GAK: variants seen among roughly 807,000 people sequenced by gnomAD.
GAK encodes the protein cyclin-G-associated kinase.
Under a neutral mutation model 143.9 loss-of-function variants are expected in GAK, and 79 were observed. The observed-to-expected ratio is 0.55, with a 90% CI of 0.46 to 0.66. GAK has a LOEUF of 0.66. GAK is among the 30% of genes least tolerant of loss of function. GAK has a pLI of 0.00. For missense variants in GAK, 1,693 were observed against 1,779.7 expected (o/e 0.95, Z 0.88); for synonymous variants, 881 against 765.5 (o/e 1.15, Z -2.49).
intron 1 of GAK, among the ~76,000 whole-genome samples, chr4:925,961 G>A (rs1422246092): frequency 1.3e-5 from 2 of 152,306 alleles, no homozygotes; most frequent in Non-Finnish European, 2.9e-5. Context: ...AGGAGGAAAG[G>A]GGAGTGGCCC....
At chr4:868,284 T>A (rs1198088639) in intron 20 of GAK, among the ~76,000 whole-genome samples, 1 of 152,042 alleles carries the variant, frequency 6.6e-6, no homozygotes, top group Non-Finnish European at 1.5e-5. Flanking sequence ...GCCCACAGAC[T>A]GGGATGAAGA....
At chr4:876,925 G>A (rs979007926) in intron 17 of GAK, among the ~76,000 whole-genome samples, 165 bp downstream of exon 17, 1 of 152,250 alleles carries the variant, frequency 6.6e-6, no homozygotes, top group Non-Finnish European at 1.5e-5. Flanking sequence ...AGTGCACGGG[G>A]CAAGCAGGGG....
chr4:884,128 C>T (rs768213861), intron 11 of GAK, 42 bp from the exon 12 acceptor site: 30 of 1,574,558 alleles, frequency 1.9e-5, no homozygotes, highest in Non-Finnish European at 2.6e-5. Flanking sequence ...ACAAGAAACA[C>T]TCCGCAGTTA....
rs1275875043 is a variant in GAK, at chr4:849,794, T to C, written c.3835-20A>G. The C allele has an allele frequency of 6.3e-7, 1 of 1,598,684 alleles. No individual in the cohort carries two copies. On this transcript the variant is annotated intron_variant, in intron 27 of 27. Coordinates refer to ENST00000314167, the MANE Select transcript of GAK (RefSeq NM_005255.4). ...CGCAGCCTATGGGTGACAGGCGGTG[T>C]AAGCGCCTCTTATAAGCATGCGGGG... is the stretch of plus-strand genomic sequence containing the variant.
At chr4:865,280 T>C in intron 22 of GAK, 36 bp from the exon 23 acceptor site, 3 of 1,611,804 alleles carry the variant, frequency 1.9e-6, no homozygotes, top group Non-Finnish European at 2.5e-6. Context: ...CACAGTTTGG[T>C]GTCTCAGCAG....
chr4:896,353 T>C (rs1577215027), intron 7 of GAK, 107 bp downstream of exon 7: 1 of 779,154 alleles, frequency 1.3e-6, no homozygotes, highest in Admixed American at 2.0e-5. Flanking sequence ...GAAGAGGGGG[T>C]GGAGGAGGCA....
chr4:851,158 C>A, intron 25 of GAK, 74 bp from the exon 26 acceptor site: 4 of 1,338,956 alleles, frequency 3.0e-6, no homozygotes, highest in South Asian at 2.5e-5. Flanking sequence ...AGTGCAATGG[C>A]GTGATCTCAG....
At chr4:903,618 C>G (rs1318480255) in intron 5 of GAK, among the ~76,000 whole-genome samples, 2 of 146,184 alleles carry the variant, frequency 1.4e-5, no homozygotes, top group African/African-American at 2.6e-5. Context: ...AGCAGGAATG[C>G]GGGGCCTGAA....
At position 911,801 on chromosome 4, in the gene GAK, G is replaced by A. The variant is rs1388878803; in HGVS notation, c.268-14C>T. On this transcript the variant is annotated splice_polypyrimidine_tract_variant and intron_variant, in intron 3 of 27. Coordinates refer to ENST00000314167, the MANE Select transcript of GAK (RefSeq NM_005255.4). ...GGAAAGCTTTTTCTGCAGTTGTCTT[G>A]TTAAAGGAGAACGTACATAACCATG... 6.3e-7 allele frequency: 1 copy of A among 1,595,114 alleles called. No individual in the cohort carries two copies. The highest frequency in any genetic ancestry group is 8.6e-7 in the Non-Finnish European group (1 of 1,162,860).
At chr4:863,866 T>C (rs1222222240) in intron 23 of GAK, among the ~76,000 whole-genome samples, 1 of 151,282 alleles carries the variant, frequency 6.6e-6, no homozygotes, top group African/African-American at 2.4e-5. Flanking sequence ...CTACTAAAAA[T>C]ACAAAAATTA....
chr4:854,261 C>T (rs1258485097), intron 24 of GAK, among the ~76,000 whole-genome samples: 1 of 151,922 alleles, frequency 6.6e-6, no homozygotes, highest in East Asian at 1.9e-4. Context: ...GAGGACCCTG[C>T]GCTCTCGCCC....
At chr4:924,433 C>G (rs986376009) in intron 1 of GAK, among the ~76,000 whole-genome samples, 1 of 152,032 alleles carries the variant, frequency 6.6e-6, no homozygotes, top group African/African-American at 2.4e-5. Flanking sequence ...TGTAAATCAG[C>G]AATCCTACTC....
chr4:873,735 A>G (rs898303653), intron 18 of GAK, among the ~76,000 whole-genome samples: 1 of 152,216 alleles, frequency 6.6e-6, no homozygotes, highest in Non-Finnish European at 1.5e-5. Flanking sequence ...CATGGTAAGC[A>G]ATTTCCAATT....
chr4:859,500 G>A, intron 24 of GAK, 106 bp downstream of exon 24: 1 of 1,600,008 alleles, frequency 6.2e-7, no homozygotes, highest in Non-Finnish European at 8.5e-7. Flanking sequence ...GGGTCTTAGT[G>A]AACAGAGGCA....
chr4:923,886 T>TA lies in GAK; in HGVS notation c.145+8156dup, dbSNP rs555180737. 6.2e-4 allele frequency among the ~76,000 whole-genome samples: 94 copies of TA among 151,216 alleles called. No homozygotes were observed. In the South Asian group the frequency reaches 0.019, roughly 31 times the overall value. ...GAGTAAGCAGAAACTCCCTGCCCAA[T>TA]AAAAAATGGACAAAAAGGCCAGGCG... On this transcript the variant is annotated intron_variant, in intron 1 of 27. Coordinates refer to ENST00000314167, the MANE Select transcript of GAK (RefSeq NM_005255.4).
At chr4:896,201 C>G (rs941105493) in intron 7 of GAK, among the ~76,000 whole-genome samples, 1 of 152,146 alleles carries the variant, frequency 6.6e-6, no homozygotes, top group Non-Finnish European at 1.5e-5. Context: ...GGGCGGGAGG[C>G]TGCGGTGAGC....
chr4:898,628 A>G (rs1719261941), intron 5 of GAK, among the ~76,000 whole-genome samples: 1 of 152,226 alleles, frequency 6.6e-6, no homozygotes, highest in African/African-American at 2.4e-5. Flanking sequence ...TTGGGAGGCC[A>G]AGGCGGGCGG....
chr4:871,942 C>T (rs1021751036), intron 18 of GAK, among the ~76,000 whole-genome samples: 1 of 152,210 alleles, frequency 6.6e-6, no homozygotes, highest in East Asian at 1.9e-4. Flanking sequence ...AAAATCTCTA[C>T]ATGTTGAATG....
chr4:902,778 C>T (rs1011981225), intron 5 of GAK, among the ~76,000 whole-genome samples: 7 of 152,058 alleles, frequency 4.6e-5, no homozygotes, highest in South Asian at 4.2e-4. Flanking sequence ...CAGAAGACGC[C>T]GGCAGCACAG....
Sources: gnomAD v4.1 joint callset for allele counts (sites outside exome capture counted in the v4.1 genomes callset) on GRCh38, gnomAD v4.1.1 for gene constraint, MANE v1.5 for transcripts, NCBI Gene and HGNC (gene_info 2026-07-23, HGNC 2026-07-21) for gene names.